SPOCK1: variants seen among roughly 807,000 people sequenced by gnomAD.
The protein encoded by SPOCK1 is SPARC (osteonectin), cwcv and kazal like domains proteoglycan 1, also known as testican-1.
In SPOCK1, 23 loss-of-function variants were observed where a neutral mutation model predicts 55.3. The ratio of observed to expected loss-of-function variants is 0.42; its 90% CI spans 0.30 to 0.59. The LOEUF (loss-of-function observed/expected upper bound fraction) is 0.59. SPOCK1 is among the 20% of genes least tolerant of loss of function. The pLI, the probability that SPOCK1 is intolerant of heterozygous loss-of-function variation, is 0.22. For missense variants in SPOCK1, 499 were observed against 552.5 expected, an observed-to-expected ratio of 0.90 and a Z score of 0.97; for synonymous variants, 226 against 221.0, an observed-to-expected ratio of 1.02 and a Z score of -0.20.
At chr5:137,201,096 G>A (rs1380290245) in intron 3 of SPOCK1, among the ~76,000 whole-genome samples, 2 of 152,190 alleles carry the variant, frequency 1.3e-5, no homozygotes, top group African/African-American at 4.8e-5. Context: ...CTGTCCTGTT[G>A]AGTTGTCCCA....
chr5:137,382,406 G>A (rs1751490267), intron 2 of SPOCK1, among the ~76,000 whole-genome samples: 1 of 152,160 alleles, frequency 6.6e-6, no homozygotes. Context: ...CTTTATAGCA[G>A]TGCCCCACTC....
At chr5:137,413,241 TC>T (rs1476554294) in intron 2 of SPOCK1, among the ~76,000 whole-genome samples, 1 of 152,028 alleles carries the variant, frequency 6.6e-6, no homozygotes, top group Non-Finnish European at 1.5e-5. Context: ...GGGTTTTTTT[TC>T]CCCAGAATTA....
At chr5:137,409,898 G>A (rs1190427551) in intron 2 of SPOCK1, among the ~76,000 whole-genome samples, 2 of 152,224 alleles carry the variant, frequency 1.3e-5, no homozygotes, top group African/African-American at 4.8e-5. Context: ...TGGAAATTCA[G>A]TTTAGCTTGG....
intron 2 of SPOCK1, among the ~76,000 whole-genome samples, chr5:137,476,106 G>A (rs35190291): frequency 0.017 from 2,592 of 151,824 alleles, 34 homozygotes; most frequent in Middle Eastern, 0.027. Flanking sequence ...TCATGTCATG[G>A]GGGTTTTTTG....
At chr5:137,306,239 G>C (rs1204473031) in intron 2 of SPOCK1, among the ~76,000 whole-genome samples, 1 of 152,226 alleles carries the variant, frequency 6.6e-6, no homozygotes, top group Non-Finnish European at 1.5e-5. Flanking sequence ...CTAACCTGTG[G>C]CACAACCTGC....
intron 5 of SPOCK1, among the ~76,000 whole-genome samples, chr5:137,100,789 G>T (rs1753246135): frequency 6.6e-6 from 1 of 151,794 alleles, no homozygotes. Context: ...AGCTCAAGAA[G>T]GACACCCTTG....
Position 137,288,239 on chromosome 5 carries a change from A to G in SPOCK1, c.187-21184T>C, listed in dbSNP as rs184420781. Among the ~76,000 whole-genome samples the G allele has an allele frequency of 4.6e-5, 7 of 152,332 alleles. No individual in the cohort carries two copies. In the East Asian group the frequency reaches 1.3e-3, roughly 29 times the overall value. ...AATTTTGGTAAAGTTCCGTGGCTCA[A>G]TGCACACTGCTACTGACTTTTGAAA... On this transcript the variant is annotated intron_variant, in intron 2 of 10. Coordinates refer to ENST00000394945, the MANE Select transcript of SPOCK1 (RefSeq NM_004598.4).
Position 137,425,208 on chromosome 5 carries a change from T to C in SPOCK1, c.186+73165A>G, listed in dbSNP as rs561429311. Among the ~76,000 whole-genome samples the C allele has an allele frequency of 3.3e-5, 5 of 152,160 alleles. No homozygotes were observed. In the East Asian group the frequency reaches 9.6e-4, roughly 29 times the overall value. ...GGCTTAGTACAATGGCCTTACCTAG[T>C]GGAGATACACTTATTACTAATGTAC... On this transcript the variant is annotated intron_variant, in intron 2 of 10. Transcript: ENST00000394945.
intron 3 of SPOCK1, among the ~76,000 whole-genome samples, chr5:137,216,662 G>T (rs1395156135): frequency 6.6e-6 from 1 of 152,104 alleles, no homozygotes; most frequent in Non-Finnish European, 1.5e-5. Context: ...AGTGAGCCAA[G>T]ATCACACCAC....
At chr5:137,392,976 G>A (rs188764210) in intron 2 of SPOCK1, among the ~76,000 whole-genome samples, 3 of 152,184 alleles carry the variant, frequency 2.0e-5, no homozygotes, top group South Asian at 2.1e-4. Flanking sequence ...ATGATGCCCT[G>A]TGACTCTCCT....
intron 2 of SPOCK1, among the ~76,000 whole-genome samples, chr5:137,448,389 T>C (rs1307494924): frequency 6.6e-6 from 1 of 152,158 alleles, no homozygotes; most frequent in African/African-American, 2.4e-5. Context: ...CTACCAAACA[T>C]CATCTGATTA....
At chr5:137,273,379 A>G in intron 2 of SPOCK1, 1 of 985,182 alleles carries the variant, frequency 1.0e-6, no homozygotes, top group Non-Finnish European at 1.2e-6. Context: ...AACCTACCTC[A>G]ACTTCCTGAG....
intron 6 of SPOCK1, among the ~76,000 whole-genome samples, chr5:137,021,887 A>G (rs1580711465): frequency 6.6e-6 from 1 of 152,224 alleles, no homozygotes; most frequent in Non-Finnish European, 1.5e-5. Flanking sequence ...TTTAAAGAGA[A>G]AGATCTATGC....
chr5:137,013,565 A>T (rs1378706830), intron 6 of SPOCK1, among the ~76,000 whole-genome samples: 1 of 152,188 alleles, frequency 6.6e-6, no homozygotes, highest in Non-Finnish European at 1.5e-5. Context: ...TTGCCTAGAG[A>T]ACATTTTTTA....
chr5:137,274,009 C>T (rs576346950), intron 2 of SPOCK1, among the ~76,000 whole-genome samples: 1 of 152,340 alleles, frequency 6.6e-6, no homozygotes, highest in South Asian at 2.1e-4. Flanking sequence ...TTCTGTCTGT[C>T]CTGGTCAGTC....
In SPOCK1 at chr5:137,434,497, T is replaced by C. The variant is rs1042200901; in HGVS notation, c.186+63876A>G. On this transcript the variant is annotated intron_variant, in intron 2 of 10. Transcript: ENST00000394945. ...TTTTTTTTCTTTTTTTTTTTTTTTT[T>C]TTTTTTTTTTTTTGAGATGGAGTCT... 5.2e-3 allele frequency among the ~76,000 whole-genome samples: 659 copies of C among 126,306 alleles called. 4 individuals are homozygous for C. Among genetic ancestry groups the C allele is most frequent in the African/African-American group, 0.019 (620 of 32,368 alleles). The allele number at this position is 126,306 out of a possible 152,430, so 82.9% of individuals were successfully genotyped here.
chr5:137,252,539 A>C (rs1756554698), intron 3 of SPOCK1, among the ~76,000 whole-genome samples: 1 of 152,212 alleles, frequency 6.6e-6, no homozygotes, highest in African/African-American at 2.4e-5. Context: ...GCCCTGTCAT[A>C]CTTCAGCCTG....
At chr5:137,165,093 G>C (rs1366402172) in intron 3 of SPOCK1, among the ~76,000 whole-genome samples, 1 of 152,192 alleles carries the variant, frequency 6.6e-6, no homozygotes, top group Non-Finnish European at 1.5e-5. Flanking sequence ...CCAGGAAGTG[G>C]TTACAGTAGG....
At chr5:137,324,551 C>A (rs1183812914) in intron 2 of SPOCK1, among the ~76,000 whole-genome samples, 1 of 152,200 alleles carries the variant, frequency 6.6e-6, no homozygotes, top group Middle Eastern at 3.2e-3. Context: ...ATTCTACTTA[C>A]ATGGGATATC....
Sources: allele counts gnomAD v4.1 joint callset (sites outside exome capture counted in the v4.1 genomes callset), GRCh38; gene constraint gnomAD v4.1.1; transcripts MANE v1.5; gene names NCBI Gene and HGNC (gene_info 2026-07-23, HGNC 2026-07-21).